SP140: variants seen among roughly 807,000 people sequenced by gnomAD.
SP140 encodes the protein nuclear body protein SP140.
A neutral mutation model predicts 125.0 loss-of-function variants in SP140; 81 were observed. The ratio of observed to expected loss-of-function variants is 0.65; its 90% confidence interval spans 0.54 to 0.78. SP140 has a LOEUF of 0.78. SP140 is among the 30% of genes least tolerant of loss of function. SP140 has a pLI of 0.00. For synonymous variants in SP140, 312 were observed against 354.0 expected (o/e 0.88, Z 1.33); for missense variants, 858 against 1,037.0 (o/e 0.83, Z 2.37).
chr2:230,254,812 C>T (rs1280606427), intron 11 of SP140, among the ~76,000 whole-genome samples: 1 of 152,178 alleles, frequency 6.6e-6, no homozygotes. Context: ...GGCCCCAGCC[C>T]ATATCATCTG....
intron 12 of SP140, among the ~76,000 whole-genome samples, chr2:230,262,718 A>G (rs7580269): frequency 0.079 from 12,087 of 152,142 alleles, 668 homozygotes; most frequent in South Asian, 0.19. Flanking sequence ...TTTTGACCCA[A>G]TGCTCATTCA....
upstream of SP140, among the ~76,000 whole-genome samples, chr2:230,223,108 C>T (rs978493878): frequency 2.2e-4 from 34 of 151,144 alleles, no homozygotes; most frequent in Non-Finnish European, 4.4e-4. Flanking sequence ...GCAATCTTGG[C>T]TCACTGCAAC....
the SP140 span, among the ~76,000 whole-genome samples, chr2:230,190,215 A>G: frequency 6.6e-6 from 1 of 152,182 alleles, no homozygotes; most frequent in African/African-American, 2.4e-5. Context: ...ACCAGCATCT[A>G]TTGTTTTCTG....
At chr2:230,312,494 TTA>T in intron 26 of SP140, 90 bp from the exon 27 acceptor site, 2 of 782,560 alleles carry the variant, frequency 2.6e-6, no homozygotes, top group Non-Finnish European at 4.1e-6. Flanking sequence ...ACTTTTTTTT[TTA>T]AAGACAAGAG....
chr2:230,267,672 G>A (rs1559295395), intron 12 of SP140, among the ~76,000 whole-genome samples: 1 of 152,094 alleles, frequency 6.6e-6, no homozygotes, highest in Non-Finnish European at 1.5e-5. Context: ...ATTTTGTCGG[G>A]GAGATTATGG....
chr2:230,214,874 A>T, intron 3 of SP140: 1 of 1,260,272 alleles, frequency 7.9e-7, no homozygotes, highest in Admixed American at 1.7e-5. Flanking sequence ...TGCATATTCC[A>T]CAGGGCTAGA....
At chr2:230,285,712 G>T in intron 16 of SP140, 40 bp from the exon 17 acceptor site, 4 of 1,521,646 alleles carry the variant, frequency 2.6e-6, no homozygotes, top group Non-Finnish European at 3.6e-6. Flanking sequence ...CTGTTGTTCT[G>T]CCCAGTTCTA....
upstream of SP140, chr2:230,202,674 A>G (rs748380337): frequency 3.7e-6 from 6 of 1,613,936 alleles, no homozygotes; most frequent in Admixed American, 1.7e-5. Context: ...CTTTTGAGGA[A>G]CCTGATCCAC....
chr2:230,231,504 G>A (rs1480940069), intron 1 of SP140, among the ~76,000 whole-genome samples: 2 of 152,012 alleles, frequency 1.3e-5, no homozygotes, highest in East Asian at 1.9e-4. Context: ...GCTTTCTCTG[G>A]GTTTCTCTGA....
In SP140 at chr2:230,237,127, A is replaced by G. The variant is rs747221224; in HGVS notation, c.104A>G (p.Glu35Gly). The G allele has an allele frequency of 2.5e-6, 4 of 1,610,714 alleles. No individual in the cohort carries two copies. The South Asian group carries it at 4.4e-5, about 18-fold the overall frequency. Residue 35 changes from glutamate (E) to glycine (G), a missense_variant, in exon 2 of 27, where the codon GAG (glutamate) becomes GGG (glycine). Around this residue, in one of 4 missense-constraint regions of SP140, gnomAD observed 791 missense variants for 869.5 expected, o/e 0.91. Coordinates refer to ENST00000392045, the MANE Select transcript of SP140 (RefSeq NM_007237.5). This position sits in a 1 kb window ranked among gnomAD's most constrained non-coding sequence, Gnocchi z 5.4. Reference sequence around the variant, plus strand: ...AACGTAGAGGGTCAGAACCTGCAGGAGCAGGTTTGCCCTGAGCCCATTTTC... The same window carrying G: ...AACGTAGAGGGTCAGAACCTGCAGGGGCAGGTTTGCCCTGAGCCCATTTTC... ...IQNVEGQNLQ[E>G]QVCPEPIFRF...
At chr2:230,218,092 G>C (rs1559186308) in intron 3 of SP140, among the ~76,000 whole-genome samples, 1 of 152,148 alleles carries the variant, frequency 6.6e-6, no homozygotes, top group Non-Finnish European at 1.5e-5. Flanking sequence ...GGTTATAATG[G>C]GAAGAAAGTT....
upstream of SP140, chr2:230,202,444 T>C (rs1270219072): frequency 3.8e-6 from 3 of 791,236 alleles, no homozygotes; most frequent in Non-Finnish European, 6.2e-6. Flanking sequence ...GTTCCTCTTG[T>C]TATACCCCAT....
In SP140 at chr2:230,288,461, CT is replaced by C. The variant is rs1305004181; in HGVS notation, c.1720+498del. On this transcript the variant is annotated intron_variant, in intron 18 of 26. Coordinates refer to ENST00000392045, the MANE Select transcript of SP140 (RefSeq NM_007237.5). ...AGCATGAATTAGGCCAACTATCTTT[CT>C]TTCTTTCTTTCTTTCTTTCTTTCTT... Among the ~76,000 whole-genome samples the C allele has an allele frequency of 3.1e-4, 18 of 57,566 alleles. No individual in the cohort carries two copies. The East Asian group carries it at 4.5e-3, about 14-fold the overall frequency. 37.8% of individuals were successfully genotyped at this position (57,566 alleles called of 152,430 possible).
intron 22 of SP140, among the ~76,000 whole-genome samples, chr2:230,309,321 C>T (rs2059115705): frequency 6.6e-6 from 1 of 152,208 alleles, no homozygotes; most frequent in Non-Finnish European, 1.5e-5. Context: ...ATGCCAGGCT[C>T]CCAGAGCTGA....
At position 230,270,713 on chromosome 2, in the gene SP140, A is replaced by T. The variant is rs2053803840; in HGVS notation, c.1498+74A>T. The stretch of plus-strand genomic sequence containing the variant: ...TTAATGCCAGAGTTTTAATTTTGTC[A>T]TTGTTACTATTTCTGTTATTATTTG... On this transcript the variant is annotated intron_variant, in intron 15 of 26. Coordinates refer to ENST00000392045, the MANE Select transcript of SP140 (RefSeq NM_007237.5). 4.5e-6 allele frequency: 6 copies of T among 1,338,452 alleles called. No homozygotes were observed. In the Admixed American group the frequency reaches 5.3e-5, roughly 12 times the overall value. The allele number at this position is 1,338,452 out of a possible 1,614,324, so 82.9% of individuals were successfully genotyped here.
chr2:230,190,389 T>C, the SP140 span, among the ~76,000 whole-genome samples: 6 of 152,208 alleles, frequency 3.9e-5, no homozygotes, highest in Non-Finnish European at 8.8e-5. Context: ...CTTTGCCCAT[T>C]TTTTGATGGA....
intron 22 of SP140, among the ~76,000 whole-genome samples, chr2:230,308,697 G>T (rs2059051484): frequency 6.6e-6 from 1 of 152,218 alleles, no homozygotes; most frequent in African/African-American, 2.4e-5. Flanking sequence ...GGCTGGCAGG[G>T]AAATGAAATC....
intron 1 of SP140, chr2:230,212,457 G>T (rs1266564328): frequency 1.3e-6 from 2 of 1,517,460 alleles, no homozygotes; most frequent in Non-Finnish European, 1.8e-6. Context: ...AATTATTACA[G>T]ATTGCAGGGA....
intron 7 of SP140, 31 bp downstream of exon 7, chr2:230,245,971 T>C: frequency 7.2e-7 from 1 of 1,380,124 alleles, no homozygotes; most frequent in Non-Finnish European, 1.0e-6. Flanking sequence ...AGCTTTATTT[T>C]TCTGTCAACA....
Sources: allele counts gnomAD v4.1 joint callset (sites outside exome capture counted in the v4.1 genomes callset), GRCh38; gene constraint gnomAD v4.1.1; regional missense constraint gnomAD v4.1.1; non-coding constraint Gnocchi (gnomAD v3.1); transcripts MANE v1.5; gene names NCBI Gene and HGNC (gene_info 2026-07-23, HGNC 2026-07-21).